Variants in CNTNAP4 observed in about 807,000 individuals in gnomAD.
The protein encoded by CNTNAP4 is contactin-associated protein-like 4.
CNTNAP4 carries 98 observed loss-of-function variants against 148.4 expected under a neutral mutation model. The observed-to-expected ratio is 0.66, with a 90% CI of 0.56 to 0.78. The LOEUF (loss-of-function observed/expected upper bound fraction) is 0.78. Among genes scored for constraint, CNTNAP4 ranks in the 30% least tolerant of loss-of-function variants. The pLI, the probability that CNTNAP4 is intolerant of heterozygous loss-of-function variation, is 0.00. For missense variants in CNTNAP4, 1,935 were observed against 1,565.6 expected, an observed-to-expected ratio of 1.24 and a Z score of -3.98; for synonymous variants, 730 against 565.1, an observed-to-expected ratio of 1.29 and a Z score of -4.14.
intron 15 of CNTNAP4, among the ~76,000 whole-genome samples, chr16:76,501,484 CACA>C (rs1403402799): frequency 6.6e-6 from 1 of 152,184 alleles, no homozygotes; most frequent in Non-Finnish European, 1.5e-5. Context: ...ATTTTAAGCA[CACA>C]ACATCATTCC....
At chr16:76,398,081 C>G (rs1407212253) in intron 3 of CNTNAP4, among the ~76,000 whole-genome samples, 1 of 145,342 alleles carries the variant, frequency 6.9e-6, no homozygotes, top group Non-Finnish European at 1.5e-5. Context: ...CAGCCCGAGT[C>G]CCAAAGCTGA....
At chr16:76,544,475 G>C (rs910256405) in intron 21 of CNTNAP4, among the ~76,000 whole-genome samples, 2 of 152,050 alleles carry the variant, frequency 1.3e-5, no homozygotes, top group Admixed American at 6.6e-5. Flanking sequence ...CTGATGACAT[G>C]GTAACCATTT....
intron 1 of CNTNAP4, among the ~76,000 whole-genome samples, chr16:76,307,348 A>G (rs1037326749): frequency 6.6e-6 from 1 of 151,928 alleles, no homozygotes; most frequent in African/African-American, 2.4e-5. Context: ...TTCACTTAGT[A>G]AATCAGCAAA....
intron 13 of CNTNAP4, among the ~76,000 whole-genome samples, chr16:76,493,732 G>A (rs543617812): frequency 8.5e-5 from 13 of 152,194 alleles, no homozygotes; most frequent in South Asian, 2.1e-4. Context: ...AAAAAAAGAC[G>A]AAGATTCTTC....
intron 8 of CNTNAP4, among the ~76,000 whole-genome samples, chr16:76,459,849 CT>C (rs2080872068): frequency 1.3e-5 from 2 of 152,140 alleles, no homozygotes; most frequent in Admixed American, 6.5e-5. Flanking sequence ...TACACAGCTC[CT>C]TGTAGAATCG....
chr16:76,522,701 CT>C (rs879904098), intron 17 of CNTNAP4, among the ~76,000 whole-genome samples: 684 of 22,112 alleles, frequency 0.031, 72 homozygotes, highest in Admixed American at 0.11. Context: ...CTTTTCTTTT[CT>C]TTTCTTTTCT....
chr16:76,409,909 T>C (rs1257188922), intron 3 of CNTNAP4, among the ~76,000 whole-genome samples: 2 of 151,896 alleles, frequency 1.3e-5, no homozygotes, highest in Non-Finnish European at 2.9e-5. Flanking sequence ...CAATCACAAC[T>C]GCATGTTATT....
intron 12 of CNTNAP4, among the ~76,000 whole-genome samples, chr16:76,484,884 A>AAAAAG (rs1297573991): frequency 6.6e-6 from 1 of 152,228 alleles, no homozygotes; most frequent in Non-Finnish European, 1.5e-5. Context: ...GTCTTATTAA[A>AAAAAG]AAATCCAGTT....
At chr16:76,501,016 A>T (rs143261788) in intron 15 of CNTNAP4, among the ~76,000 whole-genome samples, 9 of 152,302 alleles carry the variant, frequency 5.9e-5, no homozygotes, top group Admixed American at 5.9e-4. Flanking sequence ...AATTCAGTGG[A>T]TTTATGGAGA....
In CNTNAP4 at chr16:76,447,786, A is replaced by T. The variant is rs372038758; in HGVS notation, c.539-226A>T. ...GCATGTTTAAGGTAGGCTAGGCTAA[A>T]CTATGAGGTTTGGTGGGTTACATGT... On this transcript the variant is annotated intron_variant, in intron 4 of 23. Transcript: ENST00000611870. 5.7e-4 allele frequency among the ~76,000 whole-genome samples: 87 copies of T among 152,348 alleles called. 2 individuals are homozygous for T. The South Asian group carries it at 0.017, about 29-fold the overall frequency.
Position 76,414,281 on chromosome 16 carries a change from A to G in CNTNAP4, c.391-13171A>G, listed in dbSNP as rs144395580. Among the ~76,000 whole-genome samples, 13 of 151,474 alleles carry G rather than the reference A, an allele frequency of 8.6e-5. No individual in the cohort carries two copies. In the East Asian group the frequency reaches 2.1e-3, roughly 25 times the overall value. ...ACATTTTATGAAATGCTTTTTCTGT[A>G]TTTGGTGAGAAAACCATATGTTACT... On this transcript the variant is annotated intron_variant, in intron 3 of 23. Transcript: ENST00000611870.
chr16:76,407,229 C>A (rs754423922), intron 3 of CNTNAP4, among the ~76,000 whole-genome samples: 4 of 152,112 alleles, frequency 2.6e-5, no homozygotes, highest in Non-Finnish European at 5.9e-5. Flanking sequence ...ATATTTGAAA[C>A]CCACTATTGA....
At chr16:76,517,912 G>A (rs527306512) in intron 15 of CNTNAP4, among the ~76,000 whole-genome samples, 1 of 152,124 alleles carries the variant, frequency 6.6e-6, no homozygotes, top group East Asian at 1.9e-4. Flanking sequence ...TTCTATAAAT[G>A]TTTAGCAAAA....
chr16:76,372,930 G>T (rs1021850633), intron 3 of CNTNAP4, among the ~76,000 whole-genome samples: 3 of 152,136 alleles, frequency 2.0e-5, no homozygotes, highest in Non-Finnish European at 4.4e-5. Context: ...TCCATGCTTT[G>T]TTGCTAATGT....
intron 15 of CNTNAP4, among the ~76,000 whole-genome samples, chr16:76,516,391 T>G (rs751488653): frequency 6.6e-6 from 1 of 152,216 alleles, no homozygotes; most frequent in African/African-American, 2.4e-5. Flanking sequence ...TAAATAGTGC[T>G]GCAATAAACA....
At chr16:76,490,954 A>C (rs1300899139) in intron 13 of CNTNAP4, among the ~76,000 whole-genome samples, 2 of 152,218 alleles carry the variant, frequency 1.3e-5, no homozygotes, top group Non-Finnish European at 2.9e-5. Context: ...AATGACAAAA[A>C]TTTAAAAAGA....
At chr16:76,431,275 G>A (rs1428196719) in intron 4 of CNTNAP4, among the ~76,000 whole-genome samples, 1 of 152,158 alleles carries the variant, frequency 6.6e-6, no homozygotes, top group Non-Finnish European at 1.5e-5. Flanking sequence ...ACTGAAATTA[G>A]GGCTATGGGT....
Position 76,489,804 on chromosome 16 carries a change from G to C in CNTNAP4, c.2001G>C (p.Gln667His), listed in dbSNP as rs772268354. The C allele has an allele frequency of 2.5e-6, 4 of 1,607,214 alleles. No homozygotes were observed. Among genetic ancestry groups the C allele is most frequent in the East Asian group, 2.2e-5 (1 of 44,694 alleles). The stretch of plus-strand genomic sequence containing the variant: ...ATGTGGCCAGCATGGAGCAACTTCA[G>C]GCCACTATTAACCGTGCAGAGCACT... ...FEYVASMEQL[Q>H]ATINRAEHCE... is the part of the protein sequence containing the mutation. The change falls in exon 13 of 24, where the codon CAG (glutamine) becomes CAC (histidine). Residue 667 changes from glutamine (Q) to histidine (H), a missense_variant. Physicochemically the swap from Gln to His is conservative, Grantham distance 24. Transcript: ENST00000611870.
intron 3 of CNTNAP4, among the ~76,000 whole-genome samples, chr16:76,414,633 A>G (rs1358519187): frequency 1.3e-5 from 2 of 151,370 alleles, no homozygotes; most frequent in African/African-American, 4.8e-5. Flanking sequence ...AGAAGAATTC[A>G]CTAGGAAAGA....
Sources: gnomAD v4.1 joint callset for allele counts (sites outside exome capture counted in the v4.1 genomes callset) on GRCh38, gnomAD v4.1.1 for gene constraint, MANE v1.5 for transcripts, NCBI Gene and HGNC (gene_info 2026-07-23, HGNC 2026-07-21) for gene names.